Variants in PDXDC1 observed in about 807,000 individuals in gnomAD.
PDXDC1 encodes the protein pyridoxal dependent decarboxylase domain containing 1.
In PDXDC1, 42 loss-of-function variants were observed where a neutral mutation model predicts 100.1. The observed-to-expected ratio is 0.42, with a 90% confidence interval of 0.33 to 0.54. The LOEUF is 0.54. Ranked by LOEUF, PDXDC1 falls within the 20% of genes least tolerant of loss-of-function variation. The pLI is 0.10. For missense variants in PDXDC1, 636 were observed against 979.2 expected (o/e 0.65, Z 4.68); for synonymous variants, 260 against 371.7 (o/e 0.70, Z 3.46).
intron 4 of PDXDC1, 111 bp downstream of exon 4, chr16:15,001,967 T>A: frequency 1.2e-6 from 1 of 848,418 alleles, no homozygotes; most frequent in Non-Finnish European, 1.9e-6. Context: ...GAGTTACATA[T>A]GATATTAAAA....
intron 16 of PDXDC1, among the ~76,000 whole-genome samples, chr16:15,092,914 G>A (rs560939875): frequency 1.3e-5 from 2 of 152,090 alleles, no homozygotes; most frequent in East Asian, 1.9e-4. Flanking sequence ...CAGCCATAAC[G>A]TCTTTTCTGC....
chr16:15,015,821 C>T, intron 8 of PDXDC1: 1 of 520,014 alleles, frequency 1.9e-6, no homozygotes, highest in Admixed American at 3.8e-5. Context: ...ATTGACAAAC[C>T]ACAATCTTGG....
At chr16:15,084,939 G>T (rs1305508788) in intron 16 of PDXDC1, among the ~76,000 whole-genome samples, 1 of 151,996 alleles carries the variant, frequency 6.6e-6, no homozygotes, top group Non-Finnish European at 1.5e-5. Flanking sequence ...GGTGGCAAAT[G>T]CCTGTAGTCC....
chr16:14,975,959 C>G (rs917134983), intron 1 of PDXDC1, among the ~76,000 whole-genome samples: 1 of 152,300 alleles, frequency 6.6e-6, no homozygotes, highest in Non-Finnish European at 1.5e-5. Flanking sequence ...TCCCCCATTC[C>G]AGTGGCGAGG....
intron 16 of PDXDC1, among the ~76,000 whole-genome samples, chr16:15,111,769 A>C (rs1310299134): frequency 6.7e-6 from 1 of 148,228 alleles, no homozygotes; most frequent in Non-Finnish European, 1.5e-5. Flanking sequence ...AAAAAAAAAA[A>C]AAAAAAAAAA....
At chr16:15,090,145 G>T (rs558059758) in intron 16 of PDXDC1, among the ~76,000 whole-genome samples, 20 of 152,162 alleles carry the variant, frequency 1.3e-4, no homozygotes, top group African/African-American at 4.8e-4. Context: ...AGGAGGCAAA[G>T]GTTGCAGTGA....
At chr16:15,028,065 T>C (rs1194809807) in intron 14 of PDXDC1, among the ~76,000 whole-genome samples, 1 of 152,286 alleles carries the variant, frequency 6.6e-6, no homozygotes, top group Non-Finnish European at 1.5e-5. Flanking sequence ...ACCATTTCGG[T>C]CGAACAAAGG....
chr16:15,093,859 G>A (rs1247215763), intron 16 of PDXDC1: 3 of 467,592 alleles, frequency 6.4e-6, no homozygotes, highest in East Asian at 4.2e-5. Context: ...GGAAGGAAGA[G>A]GGGTCAAGGC....
intron 16 of PDXDC1, chr16:15,136,212 A>C (rs955238901): frequency 1.5e-6 from 1 of 659,928 alleles, no homozygotes; most frequent in African/African-American, 1.8e-5. Context: ...TGGGAGCCCC[A>C]TCACTGTCCC....
chr16:15,035,562 C>T lies in PDXDC1; in HGVS notation c.2107+9C>T, dbSNP rs768567500. On this transcript the variant is annotated intron_variant, in intron 22 of 22. Transcript: ENST00000396410. ...CAAGCAGAGGCTTCCAGGTAAGTGA[C>T]GCCTCTGCACCGAGTTCAGGTAACA... The T allele has an allele frequency of 3.7e-5, 57 of 1,543,738 alleles. No individual in the cohort carries two copies. Among genetic ancestry groups the T allele is most frequent in the Admixed American group, 3.6e-4 (20 of 56,244 alleles).
chr16:15,144,883 G>T, the PDXDC1 span, among the ~76,000 whole-genome samples: 1 of 152,194 alleles, frequency 6.6e-6, no homozygotes. Flanking sequence ...TCATACGTAT[G>T]CCACCTGCCG....
At chr16:15,135,681 T>C in intron 16 of PDXDC1, 2 of 1,596,004 alleles carry the variant, frequency 1.3e-6, no homozygotes, top group Admixed American at 1.7e-5. Flanking sequence ...CACTGGAAAC[T>C]GAGCGGCGTC....
Position 14,975,124 on chromosome 16 carries a change from G to A in PDXDC1, c.-76G>A, listed in dbSNP as rs2151104431. ...GGCGCGGGGGACGTCAGCGCTGCCAGCGTGGAAGGAGCTGCGGGGCGCGGG... is the reference window on the plus strand; with the variant it reads ...GGCGCGGGGGACGTCAGCGCTGCCAACGTGGAAGGAGCTGCGGGGCGCGGG... On this transcript the variant is annotated 5_prime_UTR_variant, in exon 1 of 23. Transcript: ENST00000396410. 3 of 1,471,200 alleles carry A rather than the reference G, an allele frequency of 2.0e-6. No individual in the cohort carries two copies. The highest frequency in any genetic ancestry group is 2.8e-5 in the South Asian group (2 of 70,908). The allele number at this position is 1,471,200 out of a possible 1,614,324, so 91.1% of individuals were successfully genotyped here.
At chr16:15,125,686 C>A (rs777184137) in intron 16 of PDXDC1, 80 of 1,369,154 alleles carry the variant, frequency 5.8e-5, no homozygotes, top group East Asian at 3.0e-4. Context: ...CAGTAGAGCC[C>A]TCACCTCAGC....
At chr16:15,020,516 C>T (rs1201791012) in intron 12 of PDXDC1, among the ~76,000 whole-genome samples, 1 of 152,206 alleles carries the variant, frequency 6.6e-6, no homozygotes, top group Middle Eastern at 3.2e-3. Flanking sequence ...CGGTGAAACC[C>T]TGTCTCTAAT....
At chr16:14,990,485 C>T (rs1360750576) in intron 1 of PDXDC1, among the ~76,000 whole-genome samples, 54 of 152,388 alleles carry the variant, frequency 3.5e-4, no homozygotes, top group African/African-American at 1.0e-3. Context: ...CTTATGAAGA[C>T]GCTGTTTTTA....
downstream of PDXDC1, chr16:15,038,624 A>G (rs778891642): frequency 1.9e-6 from 3 of 1,610,822 alleles, no homozygotes; most frequent in South Asian, 3.3e-5. Flanking sequence ...ACATGTGGAA[A>G]TGGTGTCCAG....
chr16:14,977,176 T>A (rs530340373), intron 1 of PDXDC1, among the ~76,000 whole-genome samples: 6 of 152,370 alleles, frequency 3.9e-5, no homozygotes, highest in African/African-American at 1.4e-4. Flanking sequence ...ATTGTAGTGA[T>A]CTTTTAGGAA....
chr16:15,039,979 G>A (rs376566663), downstream of PDXDC1: 31 of 1,591,396 alleles, frequency 1.9e-5, no homozygotes, highest in Non-Finnish European at 2.3e-5. Flanking sequence ...TGGTCCTCCT[G>A]CTAAAGTTCG....
Sources: gnomAD v4.1 joint callset for allele counts (sites outside exome capture counted in the v4.1 genomes callset) on GRCh38, gnomAD v4.1.1 for gene constraint, MANE v1.5 for transcripts, NCBI Gene and HGNC (gene_info 2026-07-23, HGNC 2026-07-21) for gene names.